Variants in VPS13C observed in about 807,000 individuals in gnomAD.
The protein encoded by VPS13C is intermembrane lipid transfer protein VPS13C.
A neutral mutation model predicts 456.8 loss-of-function variants in VPS13C; 358 were observed. The ratio of observed to expected loss-of-function variants is 0.78; its 90% CI spans 0.72 to 0.86. The LOEUF (loss-of-function observed/expected upper bound fraction) is 0.86. VPS13C is among the 40% of genes least tolerant of loss of function. VPS13C has a pLI of 0.00. For synonymous variants in VPS13C, 1,578 were observed against 1,486.7 expected (o/e 1.06, Z -1.41); for missense variants, 4,818 against 4,385.4 (o/e 1.10, Z -2.79).
In VPS13C at chr15:61,863,468, T is replaced by C. The variant is rs1272974893; in HGVS notation, c.10924A>G (p.Lys3642Glu). 5 of 1,612,860 alleles carry C rather than the reference T, an allele frequency of 3.1e-6. No homozygotes were observed. Among genetic ancestry groups the C allele is most frequent in the Non-Finnish European group, 4.2e-6 (5 of 1,179,274 alleles). ...YRYHCAIPGS[K>E]KTILMVTNRR... ...TTTGTAACCATAAGGATTGTCTTCT[T>C]GCTTCCAGGAATAGCACAGTGGTAT... The change falls in exon 82 of 85, where the codon AAG (lysine) becomes GAG (glutamate). Residue 3642 changes from lysine (K) to glutamate (E), a missense_variant. Lys to Glu is a moderately conservative substitution (Grantham distance 56). Coordinates refer to ENST00000644861, the MANE Select transcript of VPS13C (RefSeq NM_020821.3).
rs66786972 is a variant in VPS13C, at chr15:61,961,394, A to AAC, written c.3908+193_3908+194dup. 0.065 allele frequency among the ~76,000 whole-genome samples: 8,639 copies of AAC among 132,390 alleles called. 266 individuals carry two copies. Among genetic ancestry groups the AAC allele is most frequent in the Middle Eastern group, 0.094 (24 of 254 alleles). 86.9% of individuals were successfully genotyped at this position (132,390 alleles called of 152,430 possible). On this transcript the variant is annotated intron_variant, in intron 35 of 84. Transcript: ENST00000644861. ...GTGACAGACCAAGACTCCAACTCAA[A>AAC]ACACACACACACACACACACACACA... is the stretch of plus-strand genomic sequence containing the variant.
At chr15:61,881,036 A>T in intron 71 of VPS13C, 82 bp from the exon 72 acceptor site, 1 of 1,139,960 alleles carries the variant, frequency 8.8e-7, no homozygotes, top group Non-Finnish European at 1.2e-6. Context: ...TTCAGTGAAA[A>T]GCCACAGTTA....
chr15:61,949,138 T>C (rs1567037067), intron 42 of VPS13C, among the ~76,000 whole-genome samples: 1 of 152,172 alleles, frequency 6.6e-6, no homozygotes, highest in African/African-American at 2.4e-5. Context: ...ACTTTTTCCT[T>C]TCTCACTTCC....
Position 61,927,256 on chromosome 15 carries a change from A to C in VPS13C, c.6351T>G (p.Val2117=), listed in dbSNP as rs1326557142. 3.1e-6 allele frequency: 5 copies of C among 1,614,094 alleles called. No individual in the cohort carries two copies. The African/African-American group carries it at 6.7e-5, about 22-fold the overall frequency. ...AMITDPEVVF[V]ASLTKADAPA... is the part of the protein sequence containing the mutation. ...GAGCATCAGCCTTTGTCAGGCTGGCAACAAATACCACTTCTGGATCTGTGA... is the reference window on the plus strand; with the variant it reads ...GAGCATCAGCCTTTGTCAGGCTGGCCACAAATACCACTTCTGGATCTGTGA... Residue 2117 remains valine, a synonymous_variant, in exon 52 of 85, where the codon GTT becomes GTG. Transcript: ENST00000644861.
In VPS13C at chr15:61,868,695, A is replaced by G. The variant is rs369199613; in HGVS notation, c.10827T>C (p.Tyr3609=). Residue 3609 remains tyrosine (Y), a synonymous_variant, in exon 81 of 85, where the codon TAT becomes TAC. Transcript: ENST00000644861. The part of the protein sequence containing the change: ...LIHEDGIIRP[Y]DRQESEGSDL... ...CAGAGCCCTCAGATTCCTGTCTGTCATAAGGACGAATGATGCCATCTTCAT... is the reference window on the plus strand; with the variant it reads ...CAGAGCCCTCAGATTCCTGTCTGTCGTAAGGACGAATGATGCCATCTTCAT... 3 of 1,614,040 alleles carry G rather than the reference A, an allele frequency of 1.9e-6. No homozygotes were observed. Among genetic ancestry groups the G allele is most frequent in the Admixed American group, 1.7e-5 (1 of 59,998 alleles).
At position 61,867,903 on chromosome 15, in the gene VPS13C, A is replaced by C. The variant is rs1356813630; in HGVS notation, c.10863+756T>G. On this transcript the variant is annotated intron_variant, in intron 81 of 84. Coordinates refer to ENST00000644861, the MANE Select transcript of VPS13C (RefSeq NM_020821.3). The surrounding 1 kb of genome is among the most constrained non-coding windows in gnomAD (Gnocchi z 5.0). ...TGTTTTGATTTTTAAGGATGAAATC[A>C]AGTAGTAGTTTAGGAAACATTTATT... 1 of 1,607,168 alleles carries C rather than the reference A, an allele frequency of 6.2e-7. No homozygotes were observed. The highest frequency in any genetic ancestry group is 8.5e-7 in the Non-Finnish European group (1 of 1,176,598).
At chr15:61,998,512 G>A (rs2046471835) in intron 16 of VPS13C, among the ~76,000 whole-genome samples, 1 of 152,082 alleles carries the variant, frequency 6.6e-6, no homozygotes, top group African/African-American at 2.4e-5. Context: ...TGAATTATGA[G>A]GTACTCCTAA....
At chr15:62,024,384 T>C (rs185999726) in intron 6 of VPS13C, among the ~76,000 whole-genome samples, 20 of 152,202 alleles carry the variant, frequency 1.3e-4, no homozygotes, top group Middle Eastern at 3.4e-3. Context: ...TACATTGGAC[T>C]GTACACTGAA....
At chr15:62,005,169 G>C (rs920202152) in intron 15 of VPS13C, among the ~76,000 whole-genome samples, 26 of 152,230 alleles carry the variant, frequency 1.7e-4, no homozygotes, top group Non-Finnish European at 1.0e-4. Context: ...TCTCTATGTA[G>C]GTCACTCAGG....
At chr15:61,915,501 T>G (rs1265035577) in intron 61 of VPS13C, 132 bp downstream of exon 61, 3 of 973,752 alleles carry the variant, frequency 3.1e-6, no homozygotes, top group Non-Finnish European at 4.4e-6. Flanking sequence ...TACGCTTAAG[T>G]CTCCTTGAAC....
intron 10 of VPS13C, among the ~76,000 whole-genome samples, chr15:62,013,710 A>C (rs2047125406): frequency 6.6e-6 from 1 of 152,036 alleles, no homozygotes; most frequent in African/African-American, 2.4e-5. Flanking sequence ...CCATTTGGGA[A>C]GTATTAACTG....
intron 46 of VPS13C, 116 bp downstream of exon 46, chr15:61,941,647 A>T (rs1242650874): frequency 8.8e-7 from 1 of 1,134,534 alleles, no homozygotes; most frequent in Non-Finnish European, 1.2e-6. Context: ...AGGTTTCATA[A>T]TTAGAAGAAA....
At chr15:61,973,306 C>A in intron 26 of VPS13C, 148 bp downstream of exon 26, 2 of 597,776 alleles carry the variant, frequency 3.3e-6, no homozygotes, top group African/African-American at 1.9e-5. Flanking sequence ...ATAAGAGACT[C>A]AGAGTCACAC....
At chr15:61,924,311 C>T (rs1445737538) in intron 53 of VPS13C, among the ~76,000 whole-genome samples, 1 of 152,222 alleles carries the variant, frequency 6.6e-6, no homozygotes, top group Non-Finnish European at 1.5e-5. Flanking sequence ...ACACAGCTTT[C>T]CCTGATGTCC....
intron 22 of VPS13C, among the ~76,000 whole-genome samples, chr15:61,979,840 A>C (rs2045820141): frequency 6.6e-6 from 1 of 152,144 alleles, no homozygotes; most frequent in South Asian, 2.1e-4. Flanking sequence ...AATTTTAAAA[A>C]CAAGTGTGGG....
rs756524820 is a variant in VPS13C at position 61,922,731 on chromosome 15, G to C, written c.6641C>G (p.Thr2214Arg). The change falls in exon 54 of 85, where the codon ACA becomes AGA. Residue 2214 changes from threonine (T) to arginine (R), a missense_variant. Physicochemically the swap from Thr to Arg is moderately conservative, Grantham distance 71 (BLOSUM62 -1). Around this residue, in one of 3 missense-constraint regions of VPS13C, gnomAD observed 4,552 missense variants for 4,130.6 expected, o/e 1.10. Coordinates refer to ENST00000644861, the MANE Select transcript of VPS13C (RefSeq NM_020821.3). ...ISPIILNTVL[T>R]IMAALSPKTK... The stretch of plus-strand genomic sequence containing the variant: ...TTTTGGAGACAATGCAGCCATGATT[G>C]TCAACACAGTATTAAGAATTATGGG... 3 of 1,610,940 alleles carry C rather than the reference G, an allele frequency of 1.9e-6. No homozygotes were observed. Among genetic ancestry groups the C allele is most frequent in the Non-Finnish European group, 2.5e-6 (3 of 1,178,938 alleles).
chr15:61,947,304 T>C lies in VPS13C; in HGVS notation c.4765A>G (p.Ser1589Gly). Reference protein sequence around the residue: ...SRSIAVKAVSSNISQKDVFDL... With the variant: ...SRSIAVKAVSGNISQKDVFDL... ...AACACATCCTTTTGGGAAATGTTGC[T>C]GGATACTAAAAAATAATAGAAACCT... Residue 1589 changes from serine to glycine, a missense_variant, in exon 43 of 85, where the codon AGC becomes GGC. Around this residue, in one of 3 missense-constraint regions of VPS13C, gnomAD observed 4,552 missense variants for 4,130.6 expected, o/e 1.10. Coordinates refer to ENST00000644861, the MANE Select transcript of VPS13C (RefSeq NM_020821.3). The C allele has an allele frequency of 6.2e-7, 1 of 1,605,124 alleles. No homozygotes were observed. The highest frequency in any genetic ancestry group is 8.5e-7 in the Non-Finnish European group (1 of 1,175,554).
chr15:61,892,142 T>C (rs1566973685), intron 66 of VPS13C, among the ~76,000 whole-genome samples: 1 of 152,146 alleles, frequency 6.6e-6, no homozygotes, highest in Non-Finnish European at 1.5e-5. Context: ...ACAAGTGCTT[T>C]AGGAAGAGAA....
chr15:61,947,585 C>CT (rs11371568), intron 42 of VPS13C, among the ~76,000 whole-genome samples: 92,800 of 151,542 alleles, frequency 0.61, 28,753 homozygotes, highest in East Asian at 0.76. Flanking sequence ...TTTACTACAA[C>CT]TTTTTTTCTG....
Sources: allele counts gnomAD v4.1 joint callset (sites outside exome capture counted in the v4.1 genomes callset), GRCh38; gene constraint gnomAD v4.1.1; regional missense constraint gnomAD v4.1.1; non-coding constraint Gnocchi (gnomAD v3.1); transcripts MANE v1.5; gene names NCBI Gene and HGNC (gene_info 2026-07-23, HGNC 2026-07-21).